MAST2: variants seen among roughly 807,000 people sequenced by gnomAD.
The protein encoded by MAST2 is microtubule associated serine/threonine kinase 2, also known as microtubule-associated serine/threonine-protein kinase 2.
MAST2 carries 70 observed loss-of-function variants against 147.4 expected under a neutral mutation model. The observed-to-expected ratio is 0.47, with a 90% CI of 0.39 to 0.58. MAST2 has a LOEUF of 0.58. MAST2 is among the 20% of genes least tolerant of loss of function. MAST2 has a pLI of 0.00. For synonymous variants in MAST2, 869 were observed against 896.8 expected (o/e 0.97, Z 0.55); for missense variants, 2,080 against 2,302.3 (o/e 0.90, Z 1.98).
intron 6 of MAST2, among the ~76,000 whole-genome samples, chr1:45,999,404 G>A (rs1645184073): frequency 6.6e-6 from 1 of 152,130 alleles, no homozygotes; most frequent in Non-Finnish European, 1.5e-5. Flanking sequence ...TTCTTGCCTG[G>A]ACTATATATA....
intron 3 of MAST2, among the ~76,000 whole-genome samples, chr1:45,873,337 C>T (rs536861450): frequency 1.3e-5 from 2 of 151,986 alleles, no homozygotes; most frequent in African/African-American, 4.8e-5. Context: ...GGACTACAGG[C>T]GTGCACCACC....
intron 4 of MAST2, among the ~76,000 whole-genome samples, chr1:45,892,688 GAC>G (rs1217964722): frequency 6.6e-6 from 1 of 152,210 alleles, no homozygotes; most frequent in African/African-American, 2.4e-5. Context: ...CTTTGTTGAA[GAC>G]ACAGACTCTG....
chr1:45,971,831 GCATATAT>G, intron 5 of MAST2, among the ~76,000 whole-genome samples: 1 of 152,144 alleles, frequency 6.6e-6, no homozygotes, highest in Non-Finnish European at 1.5e-5. Context: ...ACTTTTTCTG[GCATATAT>G]ATGGAGGCAT....
chr1:45,805,875 CTCT>C (rs1350802060), intron 1 of MAST2, among the ~76,000 whole-genome samples: 1 of 152,158 alleles, frequency 6.6e-6, no homozygotes, highest in African/African-American at 2.4e-5. Context: ...ACTTTGTTAT[CTCT>C]TCTTTGCTTC....
At chr1:45,894,351 T>TC (rs1648369082) in intron 4 of MAST2, among the ~76,000 whole-genome samples, 1 of 152,222 alleles carries the variant, frequency 6.6e-6, no homozygotes, top group Non-Finnish European at 1.5e-5. Context: ...GCTTGAGAAA[T>TC]AATACCTGGT....
intron 8 of MAST2, among the ~76,000 whole-genome samples, chr1:46,007,401 G>A (rs1290072375): frequency 6.6e-6 from 1 of 152,296 alleles, no homozygotes; most frequent in East Asian, 1.9e-4. Context: ...AGGAACACCT[G>A]AGTCTTGGTG....
intron 5 of MAST2, among the ~76,000 whole-genome samples, chr1:45,996,843 G>C (rs1645076482): frequency 6.6e-6 from 1 of 152,162 alleles, no homozygotes; most frequent in Non-Finnish European, 1.5e-5. Flanking sequence ...TACTATCCAA[G>C]AGAAAGCCAG....
chr1:45,852,144 C>T (rs575208624), intron 3 of MAST2, among the ~76,000 whole-genome samples: 1 of 151,958 alleles, frequency 6.6e-6, no homozygotes, highest in African/African-American at 2.4e-5. Context: ...CTTATTTGGT[C>T]TTTATATACA....
chr1:45,915,332 C>T (rs1053067041), intron 4 of MAST2, among the ~76,000 whole-genome samples: 1 of 152,122 alleles, frequency 6.6e-6, no homozygotes, highest in Admixed American at 6.5e-5. Flanking sequence ...TGTATATCAC[C>T]TTTTCCTGTT....
At chr1:46,004,805 G>A (rs1645418393) in intron 7 of MAST2, among the ~76,000 whole-genome samples, 1 of 152,178 alleles carries the variant, frequency 6.6e-6, no homozygotes, top group Non-Finnish European at 1.5e-5. Flanking sequence ...TTTAAACCTT[G>A]GCTCTGGGAG....
chr1:45,897,861 T>G (rs1405668720), intron 4 of MAST2, among the ~76,000 whole-genome samples: 1 of 151,306 alleles, frequency 6.6e-6, no homozygotes, highest in African/African-American at 2.4e-5. Context: ...TCCCAGCACT[T>G]TGGGAGGCCA....
intron 5 of MAST2, among the ~76,000 whole-genome samples, chr1:45,973,688 G>C (rs1644018399): frequency 6.6e-6 from 1 of 152,138 alleles, no homozygotes. Flanking sequence ...GAGACCAAAA[G>C]AATGAGGAGA....
chr1:45,900,685 T>A lies in MAST2; in HGVS notation c.500+18290T>A, dbSNP rs1649621660. 2.1e-4 allele frequency among the ~76,000 whole-genome samples: 2 copies of A among 9,482 alleles called. 1 individual carries two copies. The highest frequency in any genetic ancestry group is 1.9e-3 in the African/African-American group (2 of 1,030). The allele number at this position is 9,482 out of a possible 152,430, so 6.2% of individuals were successfully genotyped here. A position where few individuals can be genotyped will look rare whatever the true frequency, so the allele number is the denominator to read the frequency against. On this transcript the variant is annotated intron_variant, in intron 4 of 28. Transcript: ENST00000361297. ...TTTCACCTTGTTAGCCAGGATGGTCTCGATCTCCTGACCTCATGATCCACC... is the reference window on the plus strand; with the variant it reads ...TTTCACCTTGTTAGCCAGGATGGTCACGATCTCCTGACCTCATGATCCACC...
chr1:45,938,539 C>T (rs1046628523), intron 4 of MAST2, among the ~76,000 whole-genome samples: 6 of 152,142 alleles, frequency 3.9e-5, no homozygotes, highest in African/African-American at 1.4e-4. Context: ...GTTGCCTACA[C>T]TGGTCTTGAA....
intron 4 of MAST2, among the ~76,000 whole-genome samples, chr1:45,892,824 C>A (rs1405152008): frequency 1.3e-5 from 2 of 152,118 alleles, no homozygotes; most frequent in Non-Finnish European, 2.9e-5. Flanking sequence ...GTTTTTGTCA[C>A]ATGTAAAATG....
intron 3 of MAST2, among the ~76,000 whole-genome samples, chr1:45,873,880 G>T (rs774384341): frequency 6.6e-6 from 1 of 152,158 alleles, no homozygotes; most frequent in Non-Finnish European, 1.5e-5. Context: ...GAGTGCAGTG[G>T]TGTGATCTTG....
chr1:45,985,926 A>G (rs1195001902), intron 5 of MAST2, among the ~76,000 whole-genome samples: 1 of 152,120 alleles, frequency 6.6e-6, no homozygotes, highest in African/African-American at 2.4e-5. Flanking sequence ...TTGATTTTGT[A>G]TATTGATCTT....
chr1:45,919,609 G>C (rs914477009), intron 4 of MAST2, among the ~76,000 whole-genome samples: 2 of 152,164 alleles, frequency 1.3e-5, no homozygotes, highest in Non-Finnish European at 2.9e-5. Flanking sequence ...ACTTCTCTCT[G>C]AAGGCACCTC....
At chr1:45,827,777 A>G (rs1644837214) in intron 2 of MAST2, among the ~76,000 whole-genome samples, 2 of 152,206 alleles carry the variant, frequency 1.3e-5, no homozygotes, top group African/African-American at 4.8e-5. Flanking sequence ...CATGCTAGTT[A>G]TAAAAAATGT....
Sources: allele counts gnomAD v4.1 joint callset (sites outside exome capture counted in the v4.1 genomes callset), GRCh38; gene constraint gnomAD v4.1.1; transcripts MANE v1.5; gene names NCBI Gene and HGNC (gene_info 2026-07-23, HGNC 2026-07-21).